FIP1L1: variants seen among roughly 807,000 people sequenced by gnomAD.
The protein encoded by FIP1L1 is pre-mRNA 3'-end-processing factor FIP1.
In FIP1L1, 21 loss-of-function variants were observed where a neutral mutation model predicts 84.6. That is an observed-to-expected ratio of 0.25 (90% CI 0.18 to 0.36). The LOEUF is 0.36. Ranked by LOEUF, FIP1L1 falls within the 10% of genes least tolerant of loss-of-function variation. FIP1L1 has a pLI of 1.00. For missense variants in FIP1L1, 526 were observed against 751.1 expected, an observed-to-expected ratio of 0.70 and a Z score of 3.50; for synonymous variants, 263 against 242.3, an observed-to-expected ratio of 1.09 and a Z score of -0.80.
intron 3 of FIP1L1, among the ~76,000 whole-genome samples, chr4:53,380,175 ACG>A (rs1737052228): frequency 4.0e-5 from 4 of 100,172 alleles, no homozygotes; most frequent in South Asian, 5.3e-4. Flanking sequence ...AAAAACTTGT[ACG>A]TGAATATTCA....
At chr4:53,429,953 G>A (rs6554107) in intron 13 of FIP1L1, among the ~76,000 whole-genome samples, 103,676 of 151,952 alleles carry the variant, frequency 0.68, 37,458 homozygotes, top group Non-Finnish European at 0.81. Flanking sequence ...TACCTCACCC[G>A]TGGCCCCCAG....
At chr4:53,396,092 T>A (rs1168336181) in intron 9 of FIP1L1, among the ~76,000 whole-genome samples, 1 of 152,074 alleles carries the variant, frequency 6.6e-6, no homozygotes. Context: ...ATGTTTTTTG[T>A]ATTTTTAGTA....
In FIP1L1 at chr4:53,458,751, A is replaced by G; in HGVS notation, c.1598A>G (p.His533Arg). Residue 533 changes from histidine (H) to arginine (R), a missense_variant, in exon 17 of 18, where the codon CAC becomes CGC. His to Arg is a conservative substitution (Grantham distance 29, BLOSUM62 0). Coordinates refer to ENST00000337488, the MANE Select transcript of FIP1L1 (RefSeq NM_030917.4). ...EKEERHRERR[H>R]REKEETRHKS... ...GAAGAACGACATAGAGAAAGACGACACAGGGAGAAAGAGGAAACCAGACAT... is the reference window on the plus strand; with the variant it reads ...GAAGAACGACATAGAGAAAGACGACGCAGGGAGAAAGAGGAAACCAGACAT... 6.2e-7 allele frequency: 1 copy of G among 1,613,110 alleles called. No individual in the cohort carries two copies. Among genetic ancestry groups the G allele is most frequent in the Non-Finnish European group, 8.5e-7 (1 of 1,179,388 alleles).
At chr4:53,431,029 TTCTA>T (rs1477841744) in intron 13 of FIP1L1, among the ~76,000 whole-genome samples, 3 of 152,224 alleles carry the variant, frequency 2.0e-5, no homozygotes, top group Non-Finnish European at 4.4e-5. Flanking sequence ...GGCTATGTAT[TTCTA>T]TCTATGTTTC....
intron 10 of FIP1L1, among the ~76,000 whole-genome samples, chr4:53,402,345 A>G (rs767587339): frequency 6.6e-6 from 1 of 152,126 alleles, no homozygotes; most frequent in Admixed American, 6.5e-5. Flanking sequence ...GGGCCAGAGA[A>G]ATGTGACAGT....
chr4:53,379,782 CA>C (rs1309404061), intron 3 of FIP1L1, among the ~76,000 whole-genome samples: 4 of 152,040 alleles, frequency 2.6e-5, no homozygotes, highest in Admixed American at 6.5e-5. Flanking sequence ...TGTAAGTGTT[CA>C]TTTATAGAAC....
chr4:53,395,856 A>G (rs1025401256), intron 9 of FIP1L1, among the ~76,000 whole-genome samples: 2 of 151,894 alleles, frequency 1.3e-5, no homozygotes, highest in South Asian at 2.1e-4. Flanking sequence ...AATAATGAGC[A>G]CTCATCTTGT....
At chr4:53,446,870 A>G (rs1774401048) in intron 15 of FIP1L1, among the ~76,000 whole-genome samples, 1 of 152,030 alleles carries the variant, frequency 6.6e-6, no homozygotes, top group African/African-American at 2.4e-5. Context: ...ATACATGCAC[A>G]TTTTTATAAA....
chr4:53,444,211 T>G (rs1773223715), intron 15 of FIP1L1, 108 bp downstream of exon 15: 1 of 693,522 alleles, frequency 1.4e-6, no homozygotes, highest in African/African-American at 1.8e-5. Flanking sequence ...ACAGAGCAAT[T>G]AAAAAATATT....
rs536065840 is a variant in FIP1L1 at position 53,434,748 on chromosome 4, G to A, written c.1174+6565G>A. On this transcript the variant is annotated intron_variant, in intron 13 of 17. Transcript: ENST00000337488. ...TTCCCAAAGTGCTGGGATTACAGGC[G>A]TGAGCCGCTGCGCCTGGCCACAGCT... Among the ~76,000 whole-genome samples the A allele has an allele frequency of 8.5e-5, 13 of 152,268 alleles. No individual in the cohort carries two copies. The East Asian group carries it at 2.1e-3, about 25-fold the overall frequency.
In FIP1L1 at chr4:53,399,852, G is replaced by A; in HGVS notation, c.815+13G>A. ...TTCCACCGAGCAGGTTAGTTACATAGTTATAACTCAATTACTGTACGACAT... is the reference window on the plus strand; with the variant it reads ...TTCCACCGAGCAGGTTAGTTACATAATTATAACTCAATTACTGTACGACAT... On this transcript the variant is annotated intron_variant, in intron 10 of 17. Coordinates refer to ENST00000337488, the MANE Select transcript of FIP1L1 (RefSeq NM_030917.4). The A allele has an allele frequency of 1.3e-6, 2 of 1,510,714 alleles. No homozygotes were observed. The highest frequency in any genetic ancestry group is 1.8e-6 in the Non-Finnish European group (2 of 1,087,814). The allele number at this position is 1,510,714 out of a possible 1,614,324, so 93.6% of individuals were successfully genotyped here. A position where few individuals can be genotyped will look rare whatever the true frequency, so the allele number is the denominator to read the frequency against.
intron 13 of FIP1L1, chr4:53,442,313 A>G (rs558159666): frequency 1.6e-5 from 3 of 186,056 alleles, no homozygotes; most frequent in African/African-American, 4.7e-5. Flanking sequence ...AAATATTTCA[A>G]ATATATCTGG....
chr4:53,379,201 T>G, intron 2 of FIP1L1, 24 bp from the exon 3 acceptor site: 1 of 1,606,446 alleles, frequency 6.2e-7, no homozygotes, highest in Non-Finnish European at 8.5e-7. Flanking sequence ...GCTTATTTAT[T>G]TATTTGTTTA....
intron 9 of FIP1L1, among the ~76,000 whole-genome samples, chr4:53,392,424 A>C (rs1453014142): frequency 3.3e-5 from 5 of 152,198 alleles, no homozygotes; most frequent in Non-Finnish European, 7.4e-5. Context: ...TATATAGATA[A>C]TTTTATTTTA....
At chr4:53,393,905 A>C (rs1465266716) in intron 9 of FIP1L1, among the ~76,000 whole-genome samples, 1 of 151,854 alleles carries the variant, frequency 6.6e-6, no homozygotes, top group Non-Finnish European at 1.5e-5. Flanking sequence ...TCCTTCACTT[A>C]TGGAACACTT....
intron 16 of FIP1L1, among the ~76,000 whole-genome samples, chr4:53,454,148 C>A (rs1717663227): frequency 6.6e-6 from 1 of 152,158 alleles, no homozygotes; most frequent in African/African-American, 2.4e-5. Context: ...TCTGTCAGTG[C>A]AAACCACATG....
chr4:53,438,039 A>C (rs1287073292), intron 13 of FIP1L1, among the ~76,000 whole-genome samples: 4 of 152,086 alleles, frequency 2.6e-5, no homozygotes, highest in Non-Finnish European at 5.9e-5. Flanking sequence ...TTCAAGTTTT[A>C]ATACCACTAA....
At chr4:53,446,601 G>A (rs1250722128) in intron 15 of FIP1L1, among the ~76,000 whole-genome samples, 6 of 152,064 alleles carry the variant, frequency 3.9e-5, no homozygotes, top group East Asian at 3.8e-4. Context: ...TGACTATTAA[G>A]TACTTGGTAT....
chr4:53,414,861 G>T (rs564918147), intron 11 of FIP1L1, 139 bp downstream of exon 11: 76 of 534,370 alleles, frequency 1.4e-4, no homozygotes, highest in Admixed American at 2.4e-4. Flanking sequence ...ACAGTTGTAG[G>T]TTTTTTAGTT....
Sources: allele counts gnomAD v4.1 joint callset (sites outside exome capture counted in the v4.1 genomes callset), GRCh38; gene constraint gnomAD v4.1.1; transcripts MANE v1.5; gene names NCBI Gene and HGNC (gene_info 2026-07-23, HGNC 2026-07-21).